The following TCERG1L variants were observed in gnomAD, a reference collection of about 807,000 sequenced individuals.
The protein encoded by TCERG1L is transcription elongation regulator 1-like protein.
TCERG1L carries 37 observed loss-of-function variants against 56.3 expected under a neutral mutation model. That is an observed-to-expected ratio of 0.66 (90% CI 0.51 to 0.87). The LOEUF (loss-of-function observed/expected upper bound fraction) is 0.87, where lower values mean the gene tolerates loss of function less well. Ranked by LOEUF, TCERG1L falls within the 40% of genes least tolerant of loss-of-function variation. The pLI, the probability that TCERG1L is intolerant of heterozygous loss-of-function variation, is 0.00. For missense variants in TCERG1L, 799 were observed against 774.2 expected (o/e 1.03, Z -0.38); for synonymous variants, 324 against 326.3 (o/e 0.99, Z 0.08).
chr10:131,281,433 GACAATGCT>G (rs1846452103), intron 3 of TCERG1L, among the ~76,000 whole-genome samples: 1 of 152,060 alleles, frequency 6.6e-6, no homozygotes, highest in African/African-American at 2.4e-5. Flanking sequence ...TTGCAGTAAA[GACAATGCT>G]ACCTGAAATG....
rs201627351 is a variant in TCERG1L, at chr10:131,308,339, T to C, written c.542A>G (p.Glu181Gly). The C allele has an allele frequency of 9.3e-6, 15 of 1,613,990 alleles. No individual in the cohort carries two copies. The highest frequency in any genetic ancestry group is 1.3e-5 in the Non-Finnish European group (15 of 1,179,884). ...TTCATGCCCATGGAAAAACCTTGAC[T>C]CCTCAGGATGTATCCACGTTGAGTC... ...ALDSTWIHPE[E>G]SRFFHGHEKP... The change falls in exon 3 of 12, where the codon GAG becomes GGG. Residue 181 changes from glutamate (E) to glycine (G), a missense_variant. Glu to Gly is a moderately conservative substitution (Grantham distance 98, BLOSUM62 -2). Transcript: ENST00000368642.
At chr10:131,133,933 A>G (rs559886429) in intron 8 of TCERG1L, among the ~76,000 whole-genome samples, 240 of 152,316 alleles carry the variant, frequency 1.6e-3, no homozygotes, top group Middle Eastern at 6.8e-3. Context: ...CTCATCTTAT[A>G]CATGAGAAAT....
At chr10:131,141,791 A>G (rs12242863) in intron 7 of TCERG1L, among the ~76,000 whole-genome samples, 7,283 of 152,112 alleles carry the variant, frequency 0.048, 240 homozygotes, top group South Asian at 0.19. Context: ...TTTCTCCACC[A>G]AATTCACTGG....
intron 7 of TCERG1L, among the ~76,000 whole-genome samples, chr10:131,137,447 C>A (rs188394612): frequency 6.6e-6 from 1 of 152,206 alleles, no homozygotes; most frequent in African/African-American, 2.4e-5. Flanking sequence ...CCGGGCCCTC[C>A]GCCTGACTGC....
At chr10:131,290,211 TCTC>T (rs1487611223) in intron 3 of TCERG1L, among the ~76,000 whole-genome samples, 1 of 151,630 alleles carries the variant, frequency 6.6e-6, no homozygotes, top group African/African-American at 2.4e-5. Context: ...ACTGCCTCCA[TCTC>T]CTATCGGTGT....
chr10:131,113,342 C>T (rs1181866336), intron 9 of TCERG1L, among the ~76,000 whole-genome samples: 1 of 142,238 alleles, frequency 7.0e-6, no homozygotes, highest in African/African-American at 2.5e-5. Flanking sequence ...GGTGGCCAGC[C>T]TAGCCCTTTC....
intron 8 of TCERG1L, among the ~76,000 whole-genome samples, chr10:131,133,129 G>C (rs911810631): frequency 2.0e-5 from 3 of 152,290 alleles, no homozygotes; most frequent in South Asian, 4.1e-4. Flanking sequence ...CCAGCAGAGA[G>C]AAGAGTCTGC....
At chr10:131,136,371 C>T (rs1355981814) in intron 7 of TCERG1L, among the ~76,000 whole-genome samples, 1 of 152,152 alleles carries the variant, frequency 6.6e-6, no homozygotes, top group Non-Finnish European at 1.5e-5. Context: ...TCTCGCTCTG[C>T]CCAGCTTCAG....
chr10:131,180,383 C>T (rs930778314), intron 4 of TCERG1L, among the ~76,000 whole-genome samples: 25 of 152,230 alleles, frequency 1.6e-4, no homozygotes, highest in African/African-American at 5.8e-4. Context: ...ACTCTAAGGA[C>T]ACCAATGTAT....
chr10:131,151,206 A>C (rs11017766), intron 6 of TCERG1L, among the ~76,000 whole-genome samples: 30,787 of 152,176 alleles, frequency 0.2, 3,489 homozygotes, highest in East Asian at 0.35. Flanking sequence ...CCAAAGTCTT[A>C]ATTCATTCCA....
At chr10:131,158,325 G>A (rs1845944839) in intron 6 of TCERG1L, among the ~76,000 whole-genome samples, 1 of 152,240 alleles carries the variant, frequency 6.6e-6, no homozygotes, top group Non-Finnish European at 1.5e-5. Context: ...TTTCACCTTT[G>A]AAAGTGAGTT....
At chr10:131,237,560 C>T (rs1403775148) in intron 4 of TCERG1L, among the ~76,000 whole-genome samples, 2 of 152,032 alleles carry the variant, frequency 1.3e-5, no homozygotes, top group African/African-American at 2.4e-5. Context: ...TGCATTGTAT[C>T]GGATTAGATA....
rs1750626193 is a variant in TCERG1L, at chr10:131,104,349, T to C, written c.1401A>G (p.Ser467=). The C allele has an allele frequency of 1.9e-6, 3 of 1,540,952 alleles. No homozygotes were observed. The highest frequency in any genetic ancestry group is 2.6e-6 in the Non-Finnish European group (3 of 1,137,382). Residue 467 remains serine (S), a synonymous_variant, in exon 10 of 12, where the codon TCA becomes TCG. Transcript: ENST00000368642. ...ATTCTTTCTCCCAGGTAGAAAATGC[T>C]GATACCTAAAGAAAGATATTCAATA... is the stretch of plus-strand genomic sequence containing the variant. ...FRDMLLERGV[S]AFSTWEKELH...
chr10:131,116,965 C>T, intron 8 of TCERG1L, 31 bp from the exon 9 acceptor site: 1 of 1,594,102 alleles, frequency 6.3e-7, no homozygotes, highest in Non-Finnish European at 8.5e-7. Flanking sequence ...GAGTTAGACA[C>T]ACTCGTGGGG....
At chr10:131,273,248 T>TGG (rs902924647) in intron 3 of TCERG1L, among the ~76,000 whole-genome samples, 1 of 152,190 alleles carries the variant, frequency 6.6e-6, no homozygotes, top group Non-Finnish European at 1.5e-5. Flanking sequence ...GGACATAGCC[T>TGG]GGATGGCCAG....
chr10:131,204,243 C>T (rs1443589779), intron 4 of TCERG1L, among the ~76,000 whole-genome samples: 1 of 152,222 alleles, frequency 6.6e-6, no homozygotes, highest in African/African-American at 2.4e-5. Flanking sequence ...CTGGACTTTC[C>T]ATTCTCCAGA....
At chr10:131,128,509 A>C (rs971664089) in intron 8 of TCERG1L, among the ~76,000 whole-genome samples, 3 of 152,268 alleles carry the variant, frequency 2.0e-5, no homozygotes. Context: ...GATAGTAACT[A>C]AAATCGACTA....
chr10:131,153,837 A>C (rs1194708642), intron 6 of TCERG1L, among the ~76,000 whole-genome samples: 1 of 152,148 alleles, frequency 6.6e-6, no homozygotes, highest in Non-Finnish European at 1.5e-5. Context: ...GAGTGACGGC[A>C]ACTAACACGC....
intron 3 of TCERG1L, among the ~76,000 whole-genome samples, chr10:131,283,240 G>A (rs112736444): frequency 3.7e-4 from 56 of 152,280 alleles, no homozygotes; most frequent in African/African-American, 1.1e-3. Flanking sequence ...CCAAGAAGTC[G>A]ACTTCTTTCC....
Sources: allele counts gnomAD v4.1 joint callset (sites outside exome capture counted in the v4.1 genomes callset), GRCh38; gene constraint gnomAD v4.1.1; transcripts MANE v1.5; gene names NCBI Gene and HGNC (gene_info 2026-07-23, HGNC 2026-07-21).